CPNE4: variants seen among roughly 807,000 people sequenced by gnomAD.
The protein encoded by CPNE4 is copine-4.
Under a neutral mutation model 67.9 loss-of-function variants are expected in CPNE4, and 25 were observed. The ratio of observed to expected loss-of-function variants is 0.37; its 90% CI spans 0.27 to 0.51. CPNE4 has a LOEUF of 0.51. Ranked by LOEUF, CPNE4 falls within the 20% of genes least tolerant of loss-of-function variation. CPNE4 has a pLI of 0.93. For synonymous variants in CPNE4, 242 were observed against 244.9 expected (o/e 0.99, Z 0.11); for missense variants, 464 against 690.8 (o/e 0.67, Z 3.68).
chr3:131,898,522 T>A (rs2088424062), intron 2 of CPNE4, among the ~76,000 whole-genome samples: 1 of 152,138 alleles, frequency 6.6e-6, no homozygotes, highest in Admixed American at 6.6e-5. Context: ...TCAAATACTT[T>A]TTGCTCATCT....
intron 1 of CPNE4, among the ~76,000 whole-genome samples, chr3:131,943,037 T>C (rs1477170758): frequency 6.6e-6 from 1 of 152,162 alleles, no homozygotes; most frequent in African/African-American, 2.4e-5. Context: ...CCCCTGGTGT[T>C]AGATGTGTTA....
intron 13 of CPNE4, among the ~76,000 whole-genome samples, chr3:131,551,832 T>C (rs1209689047): frequency 6.6e-6 from 1 of 152,078 alleles, no homozygotes; most frequent in Non-Finnish European, 1.5e-5. Context: ...AAATTTATTA[T>C]AATAATTATT....
chr3:131,777,799 C>T (rs2083327632), intron 2 of CPNE4, among the ~76,000 whole-genome samples: 1 of 152,070 alleles, frequency 6.6e-6, no homozygotes, highest in African/African-American at 2.4e-5. Context: ...CAATGGAAAG[C>T]AGCCAGCACC....
intron 2 of CPNE4, among the ~76,000 whole-genome samples, chr3:131,889,063 A>G (rs1296313457): frequency 1.3e-5 from 2 of 152,166 alleles, no homozygotes; most frequent in African/African-American, 4.8e-5. Context: ...TCTCCCTTTA[A>G]TATAAAAGTA....
At chr3:131,990,494 A>T (rs995465484) in intron 1 of CPNE4, among the ~76,000 whole-genome samples, 1 of 136,136 alleles carries the variant, frequency 7.3e-6, no homozygotes, top group Non-Finnish European at 1.7e-5. Flanking sequence ...CAGTAAACAC[A>T]ATAACAATTA....
intron 7 of CPNE4, among the ~76,000 whole-genome samples, chr3:131,597,267 A>G (rs558113424): frequency 8.6e-5 from 13 of 151,284 alleles, no homozygotes; most frequent in Non-Finnish European, 1.0e-4. Context: ...ATGAAGACAC[A>G]TGGACACAGG....
chr3:131,760,858 G>T (rs1191727298), intron 2 of CPNE4, among the ~76,000 whole-genome samples: 1 of 152,080 alleles, frequency 6.6e-6, no homozygotes, highest in Non-Finnish European at 1.5e-5. Context: ...CTCATATCTT[G>T]GGTGGTAATT....
At chr3:131,555,935 T>A (rs1179800519) in intron 11 of CPNE4, among the ~76,000 whole-genome samples, 1 of 152,096 alleles carries the variant, frequency 6.6e-6, no homozygotes, top group Non-Finnish European at 1.5e-5. Flanking sequence ...TTTGTATGTA[T>A]CATCTTTTAA....
intron 2 of CPNE4, among the ~76,000 whole-genome samples, chr3:131,894,448 G>A (rs998962788): frequency 4.6e-5 from 7 of 151,570 alleles, no homozygotes; most frequent in Admixed American, 3.3e-4. Context: ...TTACAGAATG[G>A]GGTAAAATAT....
At chr3:131,999,592 T>A (rs2073376915) in intron 1 of CPNE4, among the ~76,000 whole-genome samples, 1 of 152,198 alleles carries the variant, frequency 6.6e-6, no homozygotes, top group Non-Finnish European at 1.5e-5. Context: ...AGAAATGTAT[T>A]GATGTCTGCA....
intron 11 of CPNE4, among the ~76,000 whole-genome samples, chr3:131,563,177 C>T (rs1936876098): frequency 6.6e-6 from 1 of 151,996 alleles, no homozygotes; most frequent in Non-Finnish European, 1.5e-5. Context: ...CCAATTATGA[C>T]ACTAGAAAGA....
intron 7 of CPNE4, among the ~76,000 whole-genome samples, chr3:131,621,984 A>C (rs1466623243): frequency 6.9e-6 from 1 of 144,436 alleles, no homozygotes; most frequent in Non-Finnish European, 1.5e-5. Context: ...GTGCCACTGC[A>C]CTCCAGCCTG....
intron 1 of CPNE4, among the ~76,000 whole-genome samples, chr3:131,952,205 C>A (rs2071756984): frequency 6.6e-6 from 1 of 150,974 alleles, no homozygotes; most frequent in Non-Finnish European, 1.5e-5. Context: ...GGGAGCGCCT[C>A]TGCCCCGCCG....
At chr3:131,837,128 G>T (rs998478432) in intron 2 of CPNE4, among the ~76,000 whole-genome samples, 1 of 152,104 alleles carries the variant, frequency 6.6e-6, no homozygotes, top group African/African-American at 2.4e-5. Flanking sequence ...ACTGTTGGTG[G>T]GAATGTAAAA....
At chr3:131,875,893 T>A (rs1433307493) in intron 2 of CPNE4, among the ~76,000 whole-genome samples, 1 of 152,200 alleles carries the variant, frequency 6.6e-6, no homozygotes, top group Non-Finnish European at 1.5e-5. Context: ...AGAAACCAAT[T>A]TGCCATTTGT....
chr3:132,004,760 AC>A (rs780992374), intron 1 of CPNE4, among the ~76,000 whole-genome samples: 275 of 152,286 alleles, frequency 1.8e-3, no homozygotes, highest in Non-Finnish European at 3.3e-3. Flanking sequence ...GACATGAGCC[AC>A]TATGGTTAAG....
At chr3:131,702,303 C>T (rs1198335702) in intron 3 of CPNE4, among the ~76,000 whole-genome samples, 2 of 152,088 alleles carry the variant, frequency 1.3e-5, no homozygotes, top group Non-Finnish European at 2.9e-5. Context: ...ATTTATTTGG[C>T]CCCCACTGTA....
At chr3:131,709,395 G>T (rs941064354) in intron 3 of CPNE4, among the ~76,000 whole-genome samples, 1 of 152,128 alleles carries the variant, frequency 6.6e-6, no homozygotes, top group African/African-American at 2.4e-5. Flanking sequence ...AGCAGCAAGA[G>T]ATCCCAGCAG....
At chr3:131,987,992 G>A (rs2073095627) in intron 1 of CPNE4, among the ~76,000 whole-genome samples, 1 of 152,152 alleles carries the variant, frequency 6.6e-6, no homozygotes, top group Admixed American at 6.5e-5. Context: ...AGTCTACTGA[G>A]GGCAAATAGT....
Sources: gnomAD v4.1 joint callset for allele counts (sites outside exome capture counted in the v4.1 genomes callset) on GRCh38, gnomAD v4.1.1 for gene constraint, MANE v1.5 for transcripts, NCBI Gene and HGNC (gene_info 2026-07-23, HGNC 2026-07-21) for gene names.